ANKRD1: variants seen among roughly 807,000 people sequenced by gnomAD.
ANKRD1 encodes the protein ankyrin repeat domain 1.
ANKRD1 carries 32 observed loss-of-function variants against 40.1 expected under a neutral mutation model. The ratio of observed to expected loss-of-function variants is 0.80; its 90% CI spans 0.60 to 1.07. ANKRD1 has a LOEUF of 1.07. ANKRD1 is among the 50% of genes least tolerant of loss of function. The probability of loss-of-function intolerance (pLI) is 0.00; values close to 1 mark genes in which losing one functional copy is unlikely to be tolerated. For synonymous variants in ANKRD1, 149 were observed against 141.2 expected, an observed-to-expected ratio of 1.06 and a Z score of -0.39; for missense variants, 359 against 386.0, an observed-to-expected ratio of 0.93 and a Z score of 0.59.
intron 5 of ANKRD1, among the ~76,000 whole-genome samples, chr10:90,916,905 A>AGAC (rs1847379470): frequency 6.6e-6 from 1 of 152,150 alleles, no homozygotes; most frequent in Non-Finnish European, 1.5e-5. Flanking sequence ...TCTGTACCTC[A>AGAC]ACTGTAGTCA....
intron 2 of ANKRD1, 87 bp downstream of exon 2, chr10:90,920,082 T>C: frequency 6.4e-7 from 1 of 1,566,718 alleles, no homozygotes; most frequent in South Asian, 1.1e-5. Flanking sequence ...AATGATTGGG[T>C]TTGTTTCTCT....
chr10:90,918,468 G>A (rs1304346010), intron 4 of ANKRD1, among the ~76,000 whole-genome samples: 2 of 151,654 alleles, frequency 1.3e-5, no homozygotes, highest in Non-Finnish European at 2.9e-5. Context: ...GCCAAGTAGT[G>A]GTACAACTGG....
rs139885263 is a variant in ANKRD1, at chr10:90,915,633, A to T, written c.759T>A (p.Asp253Glu). ...ADLNAKDREG[D>E]TPLHDAVRLN... Reference sequence around the variant, plus strand: ...GTCTCACCGCATCATGCAACGGGGTATCTCCTTCCTAGAGAAGCAGAGTCA... The same window carrying T: ...GTCTCACCGCATCATGCAACGGGGTTTCTCCTTCCTAGAGAAGCAGAGTCA... Residue 253 changes from aspartate (D) to glutamate (E), a missense_variant, in exon 8 of 9, where the codon GAT becomes GAA. By Grantham distance (45) the Asp-to-Glu change is conservative. Transcript: ENST00000371697. 2 of 1,613,796 alleles carry T rather than the reference A, an allele frequency of 1.2e-6. No individual in the cohort carries two copies. Among genetic ancestry groups the T allele is most frequent in the African/African-American group, 2.7e-5 (2 of 74,894 alleles).
chr10:90,913,435 T>G (rs1356255620), intron 8 of ANKRD1, among the ~76,000 whole-genome samples: 1 of 152,218 alleles, frequency 6.6e-6, no homozygotes, highest in Admixed American at 6.5e-5. Context: ...GCTTAAGGAC[T>G]TAGGTACTGC....
In ANKRD1 at chr10:90,915,880, A is replaced by G; in HGVS notation, c.652T>C (p.Leu218=). 6.2e-7 allele frequency: 1 copy of G among 1,606,296 alleles called. No homozygotes were observed. The highest frequency in any genetic ancestry group is 8.5e-7 in the Non-Finnish European group (1 of 1,177,758). The stretch of plus-strand genomic sequence containing the variant: ...GCCACATGCAGCGCTGTGCTGAGCA[A>G]CTGGAAAATTGGAAAACGCTGCTGA... ...KGAKISARDK[L]LSTALHVAVR... is the part of the protein sequence containing the mutation. Residue 218 remains leucine, a splice_region_variant and synonymous_variant, in exon 7 of 9, where the codon TTG becomes CTG. Transcript: ENST00000371697.
intron 5 of ANKRD1, among the ~76,000 whole-genome samples, chr10:90,916,648 G>C (rs1847377159): frequency 6.6e-6 from 1 of 152,104 alleles, no homozygotes; most frequent in Non-Finnish European, 1.5e-5. Flanking sequence ...AAAAGTTCAA[G>C]TTTCTAGCCC....
rs748104942 is a variant in ANKRD1 at position 90,916,238 on chromosome 10, C to G, written c.584G>C (p.Arg195Pro). Residue 195 changes from arginine to proline, a missense_variant, in exon 6 of 9, where the codon CGT becomes CCT. Transcript: ENST00000371697. The part of the protein sequence containing the change: ...LESTAIHWAS[R>P]GGNLDVLKLL... ...TTTTAAAACATCCAGGTTTCCTCCA[C>G]GGCTTGCCCAGTGGATGGCTGTGGA... 6.2e-7 allele frequency: 1 copy of G among 1,614,024 alleles called. No individual in the cohort carries two copies. The highest frequency in any genetic ancestry group is 8.5e-7 in the Non-Finnish European group (1 of 1,179,966).
Position 90,916,194 on chromosome 10 carries a change from C to G in ANKRD1, c.628G>C (p.Ala210Pro). Residue 210 changes from alanine (A) to proline (P), a missense_variant, in exon 6 of 9, where the codon GCA (alanine) becomes CCA (proline). Coordinates refer to ENST00000371697, the MANE Select transcript of ANKRD1 (RefSeq NM_014391.3). ...DVLKLLLNKGAKISARDKLLS... is the reference protein window; with the variant it reads ...DVLKLLLNKGPKISARDKLLS... Reference sequence around the variant, plus strand: ...ACCTTATCTCGGGCGCTAATTTTTGCTCCTTTATTCAGCAACAATTTTAAA... The same window carrying G: ...ACCTTATCTCGGGCGCTAATTTTTGGTCCTTTATTCAGCAACAATTTTAAA... The G allele has an allele frequency of 6.2e-7, 1 of 1,613,888 alleles. No homozygotes were observed. Among genetic ancestry groups the G allele is most frequent in the Non-Finnish European group, 8.5e-7 (1 of 1,179,918 alleles).
At position 90,919,030 on chromosome 10, in the gene ANKRD1, C is replaced by T. The variant is rs1323043296; in HGVS notation, c.346-58G>A. 7 of 1,519,568 alleles carry T rather than the reference C, an allele frequency of 4.6e-6. 1 individual carries two copies. In the South Asian group the frequency reaches 4.6e-5, roughly 10 times the overall value. 94.1% of individuals were successfully genotyped at this position (1,519,568 alleles called of 1,614,324 possible). ...TATATATATATAGCATGAGAGTTAC[C>T]GTGAGCTTGCCAGCATTCAATCAAA... On this transcript the variant is annotated intron_variant, in intron 3 of 8. Coordinates refer to ENST00000371697, the MANE Select transcript of ANKRD1 (RefSeq NM_014391.3).
In ANKRD1 at chr10:90,919,241, A is replaced by T. The variant is rs1028976027; in HGVS notation, c.235T>A (p.Ser79Thr). ...ELKKKKLEQRSKLENLEDLEI... is the reference protein window; with the variant it reads ...ELKKKKLEQRTKLENLEDLEI... Reference sequence around the variant, plus strand: ...AGGTCTTCTAAATTTTCAAGCTTTGATCTTTGTTCTAGTTTTTTCTTTTTG... The same window carrying T: ...AGGTCTTCTAAATTTTCAAGCTTTGTTCTTTGTTCTAGTTTTTTCTTTTTG... Residue 79 changes from serine (S) to threonine (T), a missense_variant, in exon 3 of 9, where the codon TCA becomes ACA. By Grantham distance (58) the Ser-to-Thr change is moderately conservative (BLOSUM62 1). Coordinates refer to ENST00000371697, the MANE Select transcript of ANKRD1 (RefSeq NM_014391.3). 6.2e-6 allele frequency: 10 copies of T among 1,608,192 alleles called. No homozygotes were observed. The highest frequency in any genetic ancestry group is 8.5e-6 in the Non-Finnish European group (10 of 1,178,118).
intron 4 of ANKRD1, 80 bp downstream of exon 4, chr10:90,918,785 T>C: frequency 5.1e-6 from 6 of 1,182,018 alleles, no homozygotes; most frequent in East Asian, 2.5e-5. Context: ...ACTTTGGCAC[T>C]ATATTAGCAA....
At chr10:90,915,226 G>A (rs1189582543) in intron 8 of ANKRD1, among the ~76,000 whole-genome samples, 1 of 152,184 alleles carries the variant, frequency 6.6e-6, no homozygotes, top group Non-Finnish European at 1.5e-5. Context: ...AATGGCCAAA[G>A]CAGATTGGAC....
intron 8 of ANKRD1, among the ~76,000 whole-genome samples, 160 bp downstream of exon 8, chr10:90,915,383 C>T (rs1417055459): frequency 6.6e-6 from 1 of 152,148 alleles, no homozygotes; most frequent in African/African-American, 2.4e-5. Context: ...GAACTGGGTC[C>T]TAGCCAAGAT....
intron 6 of ANKRD1, 61 bp from the exon 7 acceptor site, chr10:90,915,941 C>A: frequency 6.5e-7 from 1 of 1,546,138 alleles, no homozygotes; most frequent in Non-Finnish European, 8.8e-7. Context: ...GTCCCAGACC[C>A]CAAGACATGT....
Position 90,916,204 on chromosome 10 carries a change from C to T in ANKRD1, c.618G>A (p.Leu206=). 1 of 1,613,958 alleles carries T rather than the reference C, an allele frequency of 6.2e-7. No homozygotes were observed. Among genetic ancestry groups the T allele is most frequent in the Non-Finnish European group, 8.5e-7 (1 of 1,179,954 alleles). The stretch of plus-strand genomic sequence containing the variant: ...GGGCGCTAATTTTTGCTCCTTTATT[C>T]AGCAACAATTTTAAAACATCCAGGT... The part of the protein sequence containing the change: ...GGNLDVLKLL[L]NKGAKISARD... The change falls in exon 6 of 9, where the codon CTG becomes CTA. Residue 206 remains leucine, a synonymous_variant. Transcript: ENST00000371697.
intron 8 of ANKRD1, among the ~76,000 whole-genome samples, chr10:90,915,018 G>A (rs1046386154): frequency 3.3e-5 from 5 of 152,096 alleles, no homozygotes; most frequent in Non-Finnish European, 5.9e-5. Flanking sequence ...AAAAATACAG[G>A]CAAAAGCACA....
At chr10:90,920,932 A>T (rs1490354605) in intron 1 of ANKRD1, 69 bp downstream of exon 1, 5 of 1,467,238 alleles carry the variant, frequency 3.4e-6, no homozygotes, top group Non-Finnish European at 4.8e-6. Context: ...AGCAAAGGGC[A>T]TTTCAATTTT....
In ANKRD1 at chr10:90,918,901, G is replaced by T. The variant is rs201398260; in HGVS notation, c.417C>A (p.Phe139Leu). ...LENKLPVVEK[F>L]LSDKNNPDVC... ...CATCTGGATTGTTCTTGTCTGACAA[G>T]AATTTTTCTACTACTGGCAGTTTAT... Residue 139 changes from phenylalanine to leucine, a missense_variant, in exon 4 of 9, where the codon TTC (phenylalanine) becomes TTA (leucine). Phe to Leu is a conservative substitution (Grantham distance 22). Transcript: ENST00000371697. The T allele has an allele frequency of 2.6e-4, 414 of 1,611,948 alleles. 2 individuals are homozygous for T. The highest frequency in any genetic ancestry group is 4.6e-5 in the Non-Finnish European group (54 of 1,179,640).
rs373437994 is a variant in ANKRD1, at chr10:90,917,956, A to C, written c.454-126T>G. ...ATAGAAACTCAAGTGCTTCTTTATG[A>C]ATAGAAATGTCAAAGTTAACTAAAA... On this transcript the variant is annotated intron_variant, in intron 4 of 8. Transcript: ENST00000371697. The C allele has an allele frequency of 2.5e-5, 18 of 732,714 alleles. No homozygotes were observed. The African/African-American group carries it at 3.0e-4, about 12-fold the overall frequency. 45.4% of individuals were successfully genotyped at this position (732,714 alleles called of 1,614,324 possible). A position where few individuals can be genotyped will look rare whatever the true frequency, so the allele number is the denominator to read the frequency against.
Sources: gnomAD v4.1 joint callset for allele counts (sites outside exome capture counted in the v4.1 genomes callset) on GRCh38, gnomAD v4.1.1 for gene constraint, MANE v1.5 for transcripts, NCBI Gene and HGNC (gene_info 2026-07-23, HGNC 2026-07-21) for gene names.